The following LIG3 variants were observed in gnomAD, a reference collection of about 807,000 sequenced individuals.
LIG3 encodes the protein ligase II, DNA, ATP-dependent.
LIG3 carries 58 observed loss-of-function variants against 110.9 expected under a neutral mutation model. That is an observed-to-expected ratio of 0.52 (90% CI 0.42 to 0.65). LIG3 has a LOEUF of 0.65. LIG3 is among the 30% of genes least tolerant of loss of function. The pLI is 0.00. For synonymous variants in LIG3, 422 were observed against 472.8 expected (o/e 0.89, Z 1.39); for missense variants, 1,094 against 1,273.8 (o/e 0.86, Z 2.15).
chr17:34,988,967 G>A (rs939323637), intron 3 of LIG3, among the ~76,000 whole-genome samples: 1 of 152,080 alleles, frequency 6.6e-6, no homozygotes, highest in Non-Finnish European at 1.5e-5. Flanking sequence ...TCTCATGCCA[G>A]CTTTTCTGGG....
chr17:34,994,464 T>TTTC, intron 9 of LIG3, 33 bp downstream of exon 9: 2 of 1,602,350 alleles, frequency 1.2e-6, no homozygotes, highest in Non-Finnish European at 1.7e-6. Context: ...CAGGACCGTC[T>TTTC]TTCCCCTTTC....
In LIG3 at chr17:35,008,640, T is replaced by A. The variant is rs1484740917; in HGVS notation, c.*4134T>A. On this transcript the variant is annotated 3_prime_UTR_variant, in exon 20 of 20. Coordinates refer to ENST00000378526, the MANE Select transcript of LIG3 (RefSeq NM_013975.4). ...GTTTTTTGTTTGTGTTTTTTTTTGT[T>A]TTGTTTTTTGAGACAGAGTCTCGCT... 1.3e-5 allele frequency: 2 copies of A among 152,014 alleles called. No individual in the cohort carries two copies. The highest frequency in any genetic ancestry group is 2.9e-5 in the Non-Finnish European group (2 of 68,026). 9.4% of individuals were successfully genotyped at this position (152,014 alleles called of 1,614,324 possible).
In LIG3 at chr17:35,004,916, T is replaced by G; in HGVS notation, c.*410T>G. 1 of 264,590 alleles carries G rather than the reference T, an allele frequency of 3.8e-6. No homozygotes were observed. The highest frequency in any genetic ancestry group is 9.3e-5 in the East Asian group (1 of 10,786). The allele number at this position is 264,590 out of a possible 1,614,324, so 16.4% of individuals were successfully genotyped here. On this transcript the variant is annotated 3_prime_UTR_variant, in exon 20 of 20. Coordinates refer to ENST00000378526, the MANE Select transcript of LIG3 (RefSeq NM_013975.4). Reference sequence around the variant, plus strand: ...AGCCTTCTCTCCCATCCTTGCCTGTTCCTTTGTACTTCCAGGCTCATTTTA... The same window carrying G: ...AGCCTTCTCTCCCATCCTTGCCTGTGCCTTTGTACTTCCAGGCTCATTTTA...
chr17:35,001,774 C>A, intron 17 of LIG3, 135 bp from the exon 18 acceptor site: 1 of 761,674 alleles, frequency 1.3e-6, no homozygotes, highest in Non-Finnish European at 2.1e-6. Flanking sequence ...CCAAGGGAGC[C>A]AACTCCTTTT....
In LIG3 at chr17:34,997,750, G is replaced by A. The variant is rs199726637; in HGVS notation, c.1836G>A (p.Glu612=). 3.7e-6 allele frequency: 6 copies of A among 1,613,958 alleles called. No individual in the cohort carries two copies. The part of the protein sequence containing the change: ...DVSLMDRPLC[E]RRKFLHDNMV... Reference sequence around the variant, plus strand: ...CTGTTCTCCTCAGACCTCTGTGTGAGCGGCGGAAGTTTCTTCATGACAACA... The same window carrying A: ...CTGTTCTCCTCAGACCTCTGTGTGAACGGCGGAAGTTTCTTCATGACAACA... The change falls in exon 12 of 20, where the codon GAG becomes GAA. Residue 612 remains glutamate, a synonymous_variant. Transcript: ENST00000378526.
intron 14 of LIG3, 167 bp from the exon 15 acceptor site, chr17:34,999,140 T>C (rs942540848): frequency 1.4e-6 from 1 of 716,852 alleles, no homozygotes; most frequent in Non-Finnish European, 2.2e-6. Flanking sequence ...GAAGAGGAAA[T>C]TGGGGCTTAT....
chr17:34,985,210 A>T (rs1464322341), intron 2 of LIG3, among the ~76,000 whole-genome samples: 5 of 152,236 alleles, frequency 3.3e-5, no homozygotes, highest in African/African-American at 1.2e-4. Context: ...TGCATATTTT[A>T]GAAATTTTAT....
rs1025522849 is a variant in LIG3, at chr17:35,004,473, T to C, written c.2997T>C (p.Cys999=). ...QQVSPEWIWA[C]IRKRRLVAPC ...TCTCCCCAGAGTGGATTTGGGCATG[T>C]ATCCGGAAACGGAGACTGGTAGCTC... The change falls in exon 20 of 20, where the codon TGT becomes TGC. Residue 999 remains cysteine, a synonymous_variant. Transcript: ENST00000378526. The C allele has an allele frequency of 1.2e-6, 2 of 1,613,990 alleles. No homozygotes were observed. Among genetic ancestry groups the C allele is most frequent in the Non-Finnish European group, 1.7e-6 (2 of 1,179,976 alleles).
intron 2 of LIG3, among the ~76,000 whole-genome samples, chr17:34,984,150 T>C (rs976904527): frequency 1.6e-4 from 24 of 152,356 alleles, no homozygotes; most frequent in Admixed American, 1.2e-3. Context: ...TATACTATTT[T>C]GTCAATGGAT....
intron 1 of LIG3, 119 bp from the exon 2 acceptor site, chr17:34,982,883 G>T: frequency 1.4e-6 from 1 of 708,304 alleles, no homozygotes; most frequent in Non-Finnish European, 2.2e-6. Context: ...GTAATACTTT[G>T]GAAAGTGTTT....
chr17:35,002,551 T>G, intron 18 of LIG3, 117 bp from the exon 19 acceptor site: 1 of 1,058,124 alleles, frequency 9.5e-7, no homozygotes, highest in Non-Finnish European at 1.4e-6. Context: ...CAGGCTGGAG[T>G]GCAGTGGCAC....
intron 19 of LIG3, chr17:35,003,308 T>C (rs774169304): frequency 2.1e-5 from 12 of 563,176 alleles, no homozygotes; most frequent in Non-Finnish European, 3.1e-5. Context: ...GAGCAATTCT[T>C]TTTTTTTTTG....
At chr17:34,998,771 G>T (rs1567692871) in intron 14 of LIG3, 44 bp downstream of exon 14, 1 of 1,590,000 alleles carries the variant, frequency 6.3e-7, no homozygotes, top group African/African-American at 1.3e-5. Context: ...GTTTTAGAAG[G>T]TACCGCTTGA....
chr17:35,001,833 TAC>T lies in LIG3; in HGVS notation c.2479-73_2479-72del, dbSNP rs1597803227. The T allele has an allele frequency of 7.3e-6, 10 of 1,365,168 alleles. No individual in the cohort carries two copies. The East Asian group carries it at 2.4e-4, about 32-fold the overall frequency. The allele number at this position is 1,365,168 out of a possible 1,614,324, so 84.6% of individuals were successfully genotyped here. ...TCTTTGTTCCCATATGCGCCTAAAA[TAC>T]ACCACACACACCACCTCTGAGGCCA... On this transcript the variant is annotated intron_variant, in intron 17 of 19. Transcript: ENST00000378526.
At position 35,007,080 on chromosome 17, in the gene LIG3, C is replaced by CCAAA. The variant is rs1011544135; in HGVS notation, c.*2582_*2585dup. The CCAAA allele has an allele frequency of 6.6e-6, 1 of 152,272 alleles. No homozygotes were observed. The highest frequency in any genetic ancestry group is 2.4e-5 in the African/African-American group (1 of 41,458). The allele number at this position is 152,272 out of a possible 1,614,324, so 9.4% of individuals were successfully genotyped here. On this transcript the variant is annotated 3_prime_UTR_variant, in exon 20 of 20. Transcript: ENST00000378526. ...TTCCATTTCTCTCTTCAGCCTCAGG[C>CCAAA]CAAACAAACAACCGGACAGGGCAGC... is the stretch of plus-strand genomic sequence containing the variant.
rs1388805381 is a variant in LIG3, at chr17:34,989,617, G to A, written c.843G>A (p.Thr281=). 5.0e-6 allele frequency: 8 copies of A among 1,614,004 alleles called. No homozygotes were observed. Among genetic ancestry groups the A allele is most frequent in the South Asian group, 1.1e-5 (1 of 91,082 alleles). Residue 281 remains threonine, a synonymous_variant, in exon 4 of 20, where the codon ACG becomes ACA. Coordinates refer to ENST00000378526, the MANE Select transcript of LIG3 (RefSeq NM_013975.4). ...TGGCCGATAATCCTAGCTACAACAC[G>A]AAGACCCAGATCATCCAGGACTTCC... ...AMVADNPSYN[T]KTQIIQDFLR...
At chr17:34,996,356 C>G in intron 10 of LIG3, 161 bp downstream of exon 10, 1 of 975,954 alleles carries the variant, frequency 1.0e-6, no homozygotes, top group Non-Finnish European at 1.5e-6. Context: ...TTTTGTTTTT[C>G]TCCTAAAAAG....
intron 13 of LIG3, 46 bp from the exon 14 acceptor site, chr17:34,998,558 T>C: frequency 6.2e-7 from 1 of 1,607,492 alleles, no homozygotes; most frequent in South Asian, 1.1e-5. Context: ...CCCATCCTCA[T>C]GGAGTTGCCT....
intron 9 of LIG3, among the ~76,000 whole-genome samples, chr17:34,995,842 A>G (rs556588002): frequency 1.3e-5 from 2 of 152,312 alleles, no homozygotes; most frequent in Admixed American, 6.5e-5. Context: ...GTGACCCAGC[A>G]TGGGTTGACC....
Sources: allele counts gnomAD v4.1 joint callset (sites outside exome capture counted in the v4.1 genomes callset), GRCh38; gene constraint gnomAD v4.1.1; transcripts MANE v1.5; gene names NCBI Gene and HGNC (gene_info 2026-07-23, HGNC 2026-07-21).